MYO15A: variants seen among roughly 807,000 people sequenced by gnomAD.
MYO15A encodes the protein myosin XVA.
Under a neutral mutation model 394.6 loss-of-function variants are expected in MYO15A, and 308 were observed. The ratio of observed to expected loss-of-function variants is 0.78; its 90% confidence interval spans 0.71 to 0.86. The LOEUF is 0.86. MYO15A is among the 40% of genes least tolerant of loss of function. The pLI is 0.00. For synonymous variants in MYO15A, 1,957 were observed against 2,003.8 expected (o/e 0.98, Z 0.62); for missense variants, 4,606 against 4,799.1 (o/e 0.96, Z 1.19).
Position 18,121,179 on chromosome 17 carries a change from G to A in MYO15A, c.2379G>A (p.Ala793=), listed in dbSNP as rs2045919544. ...GCCTCGGCTACTGCTCACCCTTGGC[G>A]CCCCCGTCGCCTCAGCTGTCCTTGC... is the stretch of plus-strand genomic sequence containing the variant. ...SPGLGYCSPL[A]PPSPQLSLRT... Residue 793 remains alanine (A), a synonymous_variant, in exon 2 of 66, where the codon GCG becomes GCA. Transcript: ENST00000647165. The surrounding 1 kb of genome is among the most constrained non-coding windows in gnomAD (Gnocchi z 5.3). 4.0e-6 allele frequency: 6 copies of A among 1,512,196 alleles called. No individual in the cohort carries two copies. The highest frequency in any genetic ancestry group is 2.9e-5 in the African/African-American group (2 of 69,174). 93.7% of individuals were successfully genotyped at this position (1,512,196 alleles called of 1,614,324 possible).
At position 18,136,669 on chromosome 17, in the gene MYO15A, G is replaced by GTT. The variant is rs778317443; in HGVS notation, c.4762_4763insTT (p.Asp1588ValfsTer9). ...GGACACACTGTCCATCGCCATCCTGGACATCTATGGTTTCGAGGTGGGGCC... is the reference window on the plus strand; with the variant it reads ...GGACACACTGTCCATCGCCATCCTGGTTACATCTATGGTTTCGAGGTGGGGCC... On this transcript the variant is annotated frameshift_variant, in exon 15 of 66. Transcript: ENST00000647165. LOFTEE classifies it high-confidence loss of function. 1 of 1,609,728 alleles carries GTT rather than the reference G, an allele frequency of 6.2e-7. No homozygotes were observed. Among genetic ancestry groups the GTT allele is most frequent in the East Asian group, 2.2e-5 (1 of 44,818 alleles).
rs530783345 is a variant in MYO15A at position 18,150,483 on chromosome 17, G to C, written c.7267G>C (p.Gly2423Arg). 2 of 1,614,164 alleles carry C rather than the reference G, an allele frequency of 1.2e-6. No individual in the cohort carries two copies. The highest frequency in any genetic ancestry group is 2.2e-5 in the South Asian group (2 of 91,082). The change falls in exon 36 of 66, where the codon GGT becomes CGT. Residue 2423 changes from glycine (G) to arginine (R), a missense_variant. Gly to Arg is a moderately radical substitution (Grantham distance 125). Coordinates refer to ENST00000647165, the MANE Select transcript of MYO15A (RefSeq NM_016239.4). The surrounding 1 kb of genome is among the most constrained non-coding windows in gnomAD (Gnocchi z 4.4). ...CCGCATGAAAGGGGGAGGCCAGCCC[G>C]GTGGAGGCAGCAGTAGTGGTACTGA... The part of the protein sequence containing the change: ...AYRMKGGGQP[G>R]GGSSSGTEDT...
At position 18,148,867 on chromosome 17, in the gene MYO15A, G is replaced by C; in HGVS notation, c.6871G>C (p.Glu2291Gln). 6.2e-7 allele frequency: 1 copy of C among 1,607,776 alleles called. No individual in the cohort carries two copies. Among genetic ancestry groups the C allele is most frequent in the Non-Finnish European group, 8.5e-7 (1 of 1,177,168 alleles). The change falls in exon 33 of 66, where the codon GAG (glutamate) becomes CAG (glutamine). Residue 2291 changes from glutamate (E) to glutamine (Q), a missense_variant. Coordinates refer to ENST00000647165, the MANE Select transcript of MYO15A (RefSeq NM_016239.4). The surrounding 1 kb of genome is among the most constrained non-coding windows in gnomAD (Gnocchi z 4.8). ...CGTGTTAGACCTGGTGTCGGACCTG[G>C]AGCTGCTCAGGGACTTCCCTCGACA... ...DYVLDLVSDL[E>Q]LLRDFPRQKS...
rs552767462 is a variant in MYO15A, at chr17:18,121,278, A to C, written c.2478A>C (p.Pro826=). Reference sequence around the variant, plus strand: ...GCTCGCTGCAGGAGTCCCCAGCCCCACGCCGAGCCGCTGGGCGCCTGGGCC... The same window carrying C: ...GCTCGCTGCAGGAGTCCCCAGCCCCCCGCCGAGCCGCTGGGCGCCTGGGCC... ...RPRSLQESPA[P]RRAAGRLGPP... is the part of the protein sequence containing the mutation. The change falls in exon 2 of 66, where the codon CCA becomes CCC. Residue 826 remains proline, a synonymous_variant. Coordinates refer to ENST00000647165, the MANE Select transcript of MYO15A (RefSeq NM_016239.4). This position sits in a 1 kb window ranked among gnomAD's most constrained non-coding sequence, Gnocchi z 5.3. 46 of 1,371,506 alleles carry C rather than the reference A, an allele frequency of 3.4e-5. No individual in the cohort carries two copies. The African/African-American group carries it at 6.7e-4, about 20-fold the overall frequency. The allele number at this position is 1,371,506 out of a possible 1,614,324, so 85.0% of individuals were successfully genotyped here. A position where few individuals can be genotyped will look rare whatever the true frequency, so the allele number is the denominator to read the frequency against.
At position 18,150,880 on chromosome 17, in the gene MYO15A, C is replaced by T. The variant is rs778266009; in HGVS notation, c.7440C>T (p.Pro2480=). 1.3e-6 allele frequency: 2 copies of T among 1,598,834 alleles called. No homozygotes were observed. The highest frequency in any genetic ancestry group is 1.1e-5 in the South Asian group (1 of 89,140). The stretch of plus-strand genomic sequence containing the variant: ...AGGCCACGGCACTCCAGCAGCAGCC[C>T]CTGAGTGCTGCCCTGAGATCCTTGC... ...TLQATALQQQ[P]LSAALRSLPA... Residue 2480 remains proline (P), a synonymous_variant, in exon 38 of 66, where the codon CCC becomes CCT. Transcript: ENST00000647165. The surrounding 1 kb of genome is among the most constrained non-coding windows in gnomAD (Gnocchi z 4.4).
intron 58 of MYO15A, among the ~76,000 whole-genome samples, chr17:18,163,024 A>C (rs1403822882): frequency 1.3e-5 from 2 of 152,094 alleles, no homozygotes; most frequent in Non-Finnish European, 2.9e-5. Flanking sequence ...AACACACACA[A>C]AAAAATGAAT....
At chr17:18,130,744 G>A in intron 7 of MYO15A, 61 bp from the exon 8 acceptor site, 3 of 1,612,228 alleles carry the variant, frequency 1.9e-6, no homozygotes, top group Non-Finnish European at 2.5e-6. Flanking sequence ...GGTCGGTCCT[G>A]CTAGTGACTC....
At chr17:18,133,899 C>A (rs2046216368) in intron 12 of MYO15A, among the ~76,000 whole-genome samples, 1 of 152,196 alleles carries the variant, frequency 6.6e-6, no homozygotes, top group African/African-American at 2.4e-5. Context: ...CTCAAATGAT[C>A]CACCGGCCTC....
chr17:18,133,099 G>T, intron 11 of MYO15A, 126 bp from the exon 12 acceptor site: 1 of 943,254 alleles, frequency 1.1e-6, no homozygotes, highest in Non-Finnish European at 1.7e-6. Flanking sequence ...CCGTGCCCAT[G>T]AGAGTGAAAT....
intron 42 of MYO15A, 50 bp downstream of exon 42, chr17:18,152,234 A>G (rs752164286): frequency 6.6e-6 from 10 of 1,522,214 alleles, no homozygotes; most frequent in Non-Finnish European, 8.8e-6. Flanking sequence ...TATATGAGGA[A>G]GTCTGTGGGC....
Position 18,148,208 on chromosome 17 carries a change from A to G in MYO15A, c.6689A>G (p.Asn2230Ser), listed in dbSNP as rs375163839. 86 of 1,613,430 alleles carry G rather than the reference A, an allele frequency of 5.3e-5. No individual in the cohort carries two copies. In the Middle Eastern group the frequency reaches 6.6e-4, roughly 12 times the overall value. ...ASMALDVGCF[N>S]GDQFSCPVHS... ...ATGGCGCTGGACGTGGGCTGCTTCA[A>G]TGGTAAGCTGCCTTCCCCCACCTCA... is the stretch of plus-strand genomic sequence containing the variant. The change falls in exon 31 of 66, where the codon AAT (asparagine) becomes AGT (serine). Residue 2230 changes from asparagine (N) to serine (S), a missense_variant and splice_region_variant. Physicochemically the swap from Asn to Ser is conservative, Grantham distance 46. Transcript: ENST00000647165. This position sits in a 1 kb window ranked among gnomAD's most constrained non-coding sequence, Gnocchi z 4.8.
At chr17:18,143,484 T>A in intron 25 of MYO15A, 82 bp from the exon 26 acceptor site, 1 of 1,500,612 alleles carries the variant, frequency 6.7e-7, no homozygotes, top group East Asian at 2.5e-5. Context: ...GTGGCCGCCT[T>A]GCGTAAGCTG....
rs751744347 is a variant in MYO15A, at chr17:18,140,818, C to T, written c.5392C>T (p.Pro1798Ser). ...CCCCTTGTTCATGCGTTGCCTGAAG[C>T]CCAACCACAAGAAGGTGAGTGAGAG... ...CNPLFMRCLK[P>S]NHKKEPGLFE... is the part of the protein sequence containing the mutation. Residue 1798 changes from proline to serine, a missense_variant, in exon 21 of 66, where the codon CCC becomes TCC. By Grantham distance (74) the Pro-to-Ser change is moderately conservative. Coordinates refer to ENST00000647165, the MANE Select transcript of MYO15A (RefSeq NM_016239.4). The T allele has an allele frequency of 1.2e-6, 2 of 1,613,996 alleles. No individual in the cohort carries two copies. Among genetic ancestry groups the T allele is most frequent in the African/African-American group, 2.7e-5 (2 of 74,940 alleles).
chr17:18,140,575 A>G lies in MYO15A; in HGVS notation c.5270A>G (p.Lys1757Arg), dbSNP rs754197350. ...APQAAPQRLG[K>R]SSSVTRLYKA... ...CAGGCTGCCCCTCAGCGCCTGGGCA[A>G]GAGCAGCTCCGTCACTCGGCTCTAC... The change falls in exon 20 of 66, where the codon AAG becomes AGG. Residue 1757 changes from lysine to arginine, a missense_variant. Lys to Arg is a conservative substitution (Grantham distance 26, BLOSUM62 2). Around this residue, in one of 2 missense-constraint regions of MYO15A, gnomAD observed 2,776 missense variants for 3,109.3 expected, o/e 0.89. Coordinates refer to ENST00000647165, the MANE Select transcript of MYO15A (RefSeq NM_016239.4). The G allele has an allele frequency of 4.3e-6, 7 of 1,613,598 alleles. No homozygotes were observed. Among genetic ancestry groups the G allele is most frequent in the Non-Finnish European group, 8.5e-7 (1 of 1,180,046 alleles).
At chr17:18,113,610 T>G (rs995854174) in intron 1 of MYO15A, among the ~76,000 whole-genome samples, 11 of 151,886 alleles carry the variant, frequency 7.2e-5, no homozygotes, top group African/African-American at 2.7e-4. Context: ...AATACAAAAA[T>G]TAGTCAGGCA....
chr17:18,113,938 G>A (rs1366043105), intron 1 of MYO15A, among the ~76,000 whole-genome samples: 1 of 151,856 alleles, frequency 6.6e-6, no homozygotes, highest in Non-Finnish European at 1.5e-5. Flanking sequence ...CTCCCTATCA[G>A]GACACAGAGA....
intron 5 of MYO15A, 44 bp from the exon 6 acceptor site, chr17:18,126,747 G>A: frequency 6.2e-7 from 1 of 1,600,224 alleles, no homozygotes; most frequent in South Asian, 1.1e-5. Flanking sequence ...GGGAGGTGTG[G>A]GAGCTTAGAG....
intron 12 of MYO15A, among the ~76,000 whole-genome samples, chr17:18,133,880 A>G (rs1597782140): frequency 6.7e-6 from 1 of 149,820 alleles, no homozygotes; most frequent in African/African-American, 2.5e-5. Context: ...CTGGTCTTGA[A>G]CTCCTGACCT....
rs1456601285 is a variant in MYO15A at position 18,126,333 on chromosome 17, C to T, written c.3757-14C>T. ...CAAGGAGCCACGACGCTGAGGCCAC[C>T]GTCTGCCCAGCAGACATACATTGGG... On this transcript the variant is annotated splice_polypyrimidine_tract_variant and intron_variant, in intron 4 of 65. Coordinates refer to ENST00000647165, the MANE Select transcript of MYO15A (RefSeq NM_016239.4). 1.1e-5 allele frequency: 17 copies of T among 1,607,078 alleles called. No individual in the cohort carries two copies. Among genetic ancestry groups the T allele is most frequent in the Middle Eastern group, 1.6e-4 (1 of 6,072 alleles).
Sources: allele counts gnomAD v4.1 joint callset (sites outside exome capture counted in the v4.1 genomes callset), GRCh38; gene constraint gnomAD v4.1.1; regional missense constraint gnomAD v4.1.1; non-coding constraint Gnocchi (gnomAD v3.1); transcripts MANE v1.5; gene names NCBI Gene and HGNC (gene_info 2026-07-23, HGNC 2026-07-21).